UNC5C: variants seen among roughly 807,000 people sequenced by gnomAD.
The protein encoded by UNC5C is netrin receptor UNC5C.
UNC5C carries 47 observed loss-of-function variants against 99.8 expected under a neutral mutation model. That is an observed-to-expected ratio of 0.47 (90% CI 0.37 to 0.60). UNC5C has a LOEUF of 0.60. UNC5C is among the 20% of genes least tolerant of loss of function. The probability of loss-of-function intolerance (pLI) is 0.00; values close to 1 mark genes in which losing one functional copy is unlikely to be tolerated. For missense variants in UNC5C, 1,062 were observed against 1,165.9 expected, an observed-to-expected ratio of 0.91 and a Z score of 1.30; for synonymous variants, 487 against 452.2, an observed-to-expected ratio of 1.08 and a Z score of -0.98.
At chr4:95,387,151 T>A (rs1745234415) in intron 1 of UNC5C, among the ~76,000 whole-genome samples, 1 of 152,188 alleles carries the variant, frequency 6.6e-6, no homozygotes, top group Admixed American at 6.6e-5. Context: ...CTTTTTATTT[T>A]TTTTTGAGAC....
chr4:95,481,171 C>G (rs1232716890), intron 1 of UNC5C, among the ~76,000 whole-genome samples: 2 of 151,884 alleles, frequency 1.3e-5, no homozygotes, highest in African/African-American at 2.4e-5. Context: ...TCTCAGGATA[C>G]AAAATCAATG....
At chr4:95,169,485 G>C in intron 15 of UNC5C, 86 bp from the exon 16 acceptor site, 1 of 1,465,632 alleles carries the variant, frequency 6.8e-7, no homozygotes, top group South Asian at 1.3e-5. Flanking sequence ...CTCTCTACTT[G>C]TCTTTAAGTT....
intron 4 of UNC5C, among the ~76,000 whole-genome samples, chr4:95,256,702 A>ATATT (rs1740002931): frequency 7.9e-6 from 1 of 126,040 alleles, no homozygotes; most frequent in African/African-American, 2.8e-5. Context: ...CTAAATAAAT[A>ATATT]TATATATATA....
intron 2 of UNC5C, among the ~76,000 whole-genome samples, chr4:95,326,119 T>C (rs569688463): frequency 4.6e-5 from 7 of 152,108 alleles, no homozygotes; most frequent in Non-Finnish European, 1.0e-4. Flanking sequence ...AGATTCCTAA[T>C]TTACCAAAGG....
rs1055285954 is a variant in UNC5C at position 95,446,787 on chromosome 4, A to T, written c.124+101947T>A. On this transcript the variant is annotated intron_variant, in intron 1 of 15. Coordinates refer to ENST00000453304, the MANE Select transcript of UNC5C (RefSeq NM_003728.4). ...AATTTTACTCAATATAAATTTCTTT[A>T]AAAAAATCCGTTCATTTTCTGCGAT... Among the ~76,000 whole-genome samples, 11 of 152,254 alleles carry T rather than the reference A, an allele frequency of 7.2e-5. No individual in the cohort carries two copies. In the Middle Eastern group the frequency reaches 0.014, roughly 188 times the overall value.
At chr4:95,366,713 T>C (rs1291570982) in intron 1 of UNC5C, among the ~76,000 whole-genome samples, 1 of 152,228 alleles carries the variant, frequency 6.6e-6, no homozygotes, top group Non-Finnish European at 1.5e-5. Flanking sequence ...AGAGGTCTTC[T>C]GATTAAGTCC....
intron 1 of UNC5C, among the ~76,000 whole-genome samples, chr4:95,383,262 T>TACACACACACAC (rs35068196): frequency 1.1e-4 from 16 of 150,828 alleles, no homozygotes; most frequent in African/African-American, 3.6e-4. Context: ...TGTGTGTGTT[T>TACACACACACAC]ACACACACAC....
chr4:95,477,394 A>G (rs1720955583), intron 1 of UNC5C, among the ~76,000 whole-genome samples: 1 of 152,086 alleles, frequency 6.6e-6, no homozygotes, highest in Non-Finnish European at 1.5e-5. Flanking sequence ...TAATAATAAC[A>G]TATCTAAGAA....
At chr4:95,425,491 T>C (rs1315344287) in intron 1 of UNC5C, among the ~76,000 whole-genome samples, 2 of 152,166 alleles carry the variant, frequency 1.3e-5, no homozygotes, top group African/African-American at 2.4e-5. Context: ...CCAGCTAATT[T>C]TTTTGTATTT....
chr4:95,188,202 C>T (rs1425039595), intron 12 of UNC5C, among the ~76,000 whole-genome samples: 1 of 152,088 alleles, frequency 6.6e-6, no homozygotes, highest in Non-Finnish European at 1.5e-5. Flanking sequence ...CTTGTCCTTT[C>T]ACTAGTACCT....
intron 1 of UNC5C, among the ~76,000 whole-genome samples, chr4:95,442,956 TGAA>T (rs1746995184): frequency 6.6e-6 from 1 of 152,096 alleles, no homozygotes; most frequent in Admixed American, 6.6e-5. Flanking sequence ...GACATGATAA[TGAA>T]GAAGACAGTC....
intron 3 of UNC5C, among the ~76,000 whole-genome samples, chr4:95,282,382 G>A (rs1184004935): frequency 2.6e-5 from 4 of 152,178 alleles, no homozygotes; most frequent in African/African-American, 9.7e-5. Flanking sequence ...ATGAGGAGTG[G>A]CCAGGAAGTG....
chr4:95,427,033 A>G (rs1231218941), intron 1 of UNC5C, among the ~76,000 whole-genome samples: 1 of 152,202 alleles, frequency 6.6e-6, no homozygotes, highest in Non-Finnish European at 1.5e-5. Context: ...TAGGACTTTC[A>G]TAGCTAGAGA....
At chr4:95,421,830 T>C (rs987050531) in intron 1 of UNC5C, among the ~76,000 whole-genome samples, 4 of 152,306 alleles carry the variant, frequency 2.6e-5, no homozygotes, top group African/African-American at 9.6e-5. Flanking sequence ...TATCTCCTAT[T>C]ATGGATTTTA....
Position 95,170,282 on chromosome 4 carries a change from G to T in UNC5C, c.2502C>A (p.Thr834=). The T allele has an allele frequency of 6.2e-7, 1 of 1,614,162 alleles. No homozygotes were observed. ...LPLLDPANTI[T]TVTGPSAFSI... Reference sequence around the variant, plus strand: ...TGAAAGCACTGGGCCCCGTGACCGTGGTGATGGTGTTCGCAGGATCCAGCA... The same window carrying T: ...TGAAAGCACTGGGCCCCGTGACCGTTGTGATGGTGTTCGCAGGATCCAGCA... The change falls in exon 15 of 16, where the codon ACC becomes ACA. Residue 834 remains threonine, a synonymous_variant. Transcript: ENST00000453304.
intron 14 of UNC5C, among the ~76,000 whole-genome samples, chr4:95,171,308 G>A (rs1355819528): frequency 4.7e-5 from 7 of 150,490 alleles, no homozygotes; most frequent in Admixed American, 2.0e-4. Flanking sequence ...ATGTATACAC[G>A]TGCCATGCTG....
intron 4 of UNC5C, among the ~76,000 whole-genome samples, chr4:95,255,283 C>T (rs567172869): frequency 6.6e-6 from 1 of 152,218 alleles, no homozygotes; most frequent in East Asian, 1.9e-4. Context: ...CCCGGCACCC[C>T]GCTCTGTGTT....
intron 13 of UNC5C, among the ~76,000 whole-genome samples, chr4:95,184,837 A>G (rs1736766023): frequency 6.6e-6 from 1 of 152,314 alleles, no homozygotes; most frequent in South Asian, 2.1e-4. Flanking sequence ...AAACAATGAT[A>G]GTACATTTAT....
intron 1 of UNC5C, among the ~76,000 whole-genome samples, chr4:95,393,865 A>ATTTTTT (rs1285086418): frequency 1.6e-4 from 18 of 113,244 alleles, no homozygotes; most frequent in East Asian, 4.6e-4. Context: ...TTTTTTTTTA[A>ATTTTTT]AAAAAAACAG....
Sources: allele counts gnomAD v4.1 joint callset (sites outside exome capture counted in the v4.1 genomes callset), GRCh38; gene constraint gnomAD v4.1.1; transcripts MANE v1.5; gene names NCBI Gene and HGNC (gene_info 2026-07-23, HGNC 2026-07-21).